NBAS: variants seen among roughly 807,000 people sequenced by gnomAD.
NBAS encodes the protein NBAS subunit of NRZ tethering complex.
NBAS carries 219 observed loss-of-function variants against 302.5 expected under a neutral mutation model. That is an observed-to-expected ratio of 0.72 (90% CI 0.65 to 0.81). The LOEUF (loss-of-function observed/expected upper bound fraction) is 0.81, where lower values mean the gene tolerates loss of function less well. NBAS is among the 30% of genes least tolerant of loss of function. The pLI is 0.00. For missense variants in NBAS, 2,932 were observed against 2,841.6 expected, an observed-to-expected ratio of 1.03 and a Z score of -0.72; for synonymous variants, 1,118 against 1,021.6, an observed-to-expected ratio of 1.09 and a Z score of -1.80.
At chr2:15,210,264 AAAC>A (rs1666346826) in intron 48 of NBAS, among the ~76,000 whole-genome samples, 2 of 152,308 alleles carry the variant, frequency 1.3e-5, no homozygotes, top group South Asian at 2.1e-4. Context: ...TAAGGAGTTC[AAAC>A]AACTATAGAA....
intron 44 of NBAS, among the ~76,000 whole-genome samples, chr2:15,268,237 G>A (rs572001935): frequency 3.9e-4 from 59 of 152,286 alleles, no homozygotes; most frequent in African/African-American, 1.4e-3. Flanking sequence ...GATAAGTGAA[G>A]TGGGGAGAAA....
intron 39 of NBAS, among the ~76,000 whole-genome samples, 175 bp from the exon 40 acceptor site, chr2:15,308,528 A>C (rs1203321936): frequency 6.6e-6 from 1 of 152,234 alleles, no homozygotes; most frequent in Non-Finnish European, 1.5e-5. Flanking sequence ...GCACTATAAA[A>C]CAAATCCTAT....
chr2:15,137,130 G>A, the NBAS span, among the ~76,000 whole-genome samples: 1 of 152,306 alleles, frequency 6.6e-6, no homozygotes, highest in Admixed American at 6.5e-5. Context: ...TCAGAAAACA[G>A]AACCTCACCA....
At position 15,181,360 on chromosome 2, in the gene NBAS, C is replaced by G. The variant is rs146311771; in HGVS notation, c.6712-2244G>C. Among the ~76,000 whole-genome samples the G allele has an allele frequency of 1.9e-3, 287 of 152,296 alleles. 2 individuals are homozygous for G. The highest frequency in any genetic ancestry group is 6.4e-3 in the African/African-American group (265 of 41,564). Reference sequence around the variant, plus strand: ...GCAAGGATATCCAAGAAGGGAGGAACCCACTTTAGGTGAGCCACTGACTAC... The same window carrying G: ...GCAAGGATATCCAAGAAGGGAGGAAGCCACTTTAGGTGAGCCACTGACTAC... On this transcript the variant is annotated intron_variant, in intron 50 of 51. Transcript: ENST00000281513.
the NBAS span, among the ~76,000 whole-genome samples, chr2:15,140,402 T>C: frequency 6.6e-6 from 1 of 152,142 alleles, no homozygotes; most frequent in Non-Finnish European, 1.5e-5. Flanking sequence ...TTTGGGGTGG[T>C]TTGTAGGAAA....
chr2:15,145,197 T>C, the NBAS span, among the ~76,000 whole-genome samples: 1 of 152,112 alleles, frequency 6.6e-6, no homozygotes, highest in African/African-American at 2.4e-5. Context: ...ACCAGTGACA[T>C]TCTACATACT....
the NBAS span, among the ~76,000 whole-genome samples, chr2:15,068,504 C>T: frequency 6.6e-6 from 1 of 152,252 alleles, no homozygotes; most frequent in Non-Finnish European, 1.5e-5. Context: ...CCAAACCCCA[C>T]TCTGCCACCC....
the NBAS span, among the ~76,000 whole-genome samples, chr2:15,001,349 A>G: frequency 7.2e-5 from 11 of 152,124 alleles, no homozygotes; most frequent in Non-Finnish European, 1.0e-4. Flanking sequence ...GTGATTTTAT[A>G]TATATAACAA....
the NBAS span, among the ~76,000 whole-genome samples, chr2:14,848,086 G>T: frequency 6.6e-6 from 1 of 151,904 alleles, no homozygotes; most frequent in African/African-American, 2.4e-5. Flanking sequence ...CAAGATGGCC[G>T]AATAGGAACA....
the NBAS span, among the ~76,000 whole-genome samples, chr2:14,815,958 T>C: frequency 6.6e-6 from 1 of 152,216 alleles, no homozygotes; most frequent in Non-Finnish European, 1.5e-5. Context: ...CATCCCAATC[T>C]AGCCCCCCTT....
At chr2:15,487,210 A>G (rs1322037612) in intron 12 of NBAS, among the ~76,000 whole-genome samples, 4 of 152,240 alleles carry the variant, frequency 2.6e-5, no homozygotes, top group Non-Finnish European at 5.9e-5. Flanking sequence ...GCTCCTCTCA[A>G]ACGAAAACAG....
the NBAS span, among the ~76,000 whole-genome samples, chr2:15,126,577 G>A: frequency 9.9e-5 from 15 of 152,164 alleles, no homozygotes; most frequent in African/African-American, 3.4e-4. Context: ...CAAGGGAGCT[G>A]GGGTACTGAT....
At chr2:15,401,402 A>T (rs1343280090) in intron 26 of NBAS, among the ~76,000 whole-genome samples, 1 of 152,196 alleles carries the variant, frequency 6.6e-6, no homozygotes, top group Non-Finnish European at 1.5e-5. Context: ...GGGAGAAGAT[A>T]AAAAGAGAGC....
At chr2:15,353,833 G>T in intron 33 of NBAS, 123 bp from the exon 34 acceptor site, 1 of 1,139,134 alleles carries the variant, frequency 8.8e-7, no homozygotes, top group Non-Finnish European at 1.3e-6. Flanking sequence ...AGTCATTAGT[G>T]ACACATTATT....
chr2:14,803,592 A>G, the NBAS span, among the ~76,000 whole-genome samples: 1 of 152,030 alleles, frequency 6.6e-6, no homozygotes, highest in African/African-American at 2.4e-5. Context: ...CTGGTGTTTA[A>G]TATCTTAAAA....
chr2:15,338,117 G>C (rs915039980), intron 35 of NBAS, among the ~76,000 whole-genome samples: 1 of 152,198 alleles, frequency 6.6e-6, no homozygotes, highest in Non-Finnish European at 1.5e-5. Flanking sequence ...AACATGGATA[G>C]TGCCATGTGT....
At chr2:14,952,436 A>C in the NBAS span, among the ~76,000 whole-genome samples, 2 of 152,226 alleles carry the variant, frequency 1.3e-5, no homozygotes, top group East Asian at 3.9e-4. Context: ...ACACCCACTC[A>C]GTTCCAGGCC....
At chr2:15,229,854 A>G (rs1400571383) in intron 47 of NBAS, among the ~76,000 whole-genome samples, 1 of 152,004 alleles carries the variant, frequency 6.6e-6, no homozygotes, top group Non-Finnish European at 1.5e-5. Context: ...TAACCACAAA[A>G]CCACATATTT....
intron 49 of NBAS, among the ~76,000 whole-genome samples, chr2:15,190,021 T>C (rs1373720800): frequency 6.6e-6 from 1 of 152,186 alleles, no homozygotes; most frequent in East Asian, 1.9e-4. Context: ...GTTGACATCA[T>C]AAATCAGATA....
Sources: gnomAD v4.1 joint callset for allele counts (sites outside exome capture counted in the v4.1 genomes callset) on GRCh38, gnomAD v4.1.1 for gene constraint, MANE v1.5 for transcripts, NCBI Gene and HGNC (gene_info 2026-07-23, HGNC 2026-07-21) for gene names.